CIMAP3: variants seen among roughly 807,000 people sequenced by gnomAD.
CIMAP3 encodes the protein ciliary microtubule associated protein 3.
the CIMAP3 span, among the ~76,000 whole-genome samples, chr1:111,341,988 G>A: frequency 6.6e-6 from 1 of 151,920 alleles, no homozygotes; most frequent in Non-Finnish European, 1.5e-5. Context: ...TCGAGCATGA[G>A]CATGGGGTAG....
chr1:111,351,292 A>G, the CIMAP3 span: 43 of 1,595,932 alleles, frequency 2.7e-5, no homozygotes, highest in Admixed American at 5.5e-5. Flanking sequence ...AAAGCATCGG[A>G]ACCGTGTGGC....
the CIMAP3 span, among the ~76,000 whole-genome samples, chr1:111,329,548 TA>T: frequency 8.9e-6 from 1 of 112,084 alleles, no homozygotes; most frequent in Non-Finnish European, 1.9e-5. Context: ...TATATATATA[TA>T]TATATATATA....
chr1:111,350,688 G>A, the CIMAP3 span, among the ~76,000 whole-genome samples: 4 of 152,202 alleles, frequency 2.6e-5, no homozygotes, highest in Non-Finnish European at 5.9e-5. Flanking sequence ...AATACTAGCT[G>A]CAGTATTTAC....
chr1:111,341,211 G>T, the CIMAP3 span, among the ~76,000 whole-genome samples: 1 of 149,978 alleles, frequency 6.7e-6, no homozygotes, highest in Admixed American at 6.7e-5. Flanking sequence ...CTGTTGTGGG[G>T]TGGGGGGAAG....
the CIMAP3 span, chr1:111,347,894 G>A: frequency 4.1e-5 from 28 of 681,342 alleles, no homozygotes; most frequent in Non-Finnish European, 6.0e-5. Flanking sequence ...AGAAAAGTAG[G>A]CATTTAAGCA....
chr1:111,328,033 T>G, the CIMAP3 span, among the ~76,000 whole-genome samples: 2 of 152,316 alleles, frequency 1.3e-5, no homozygotes, highest in East Asian at 3.9e-4. Flanking sequence ...TCCCAGAGAT[T>G]CTGGTATGTT....
At chr1:111,329,231 A>G in the CIMAP3 span, among the ~76,000 whole-genome samples, 1,208 of 151,970 alleles carry the variant, frequency 7.9e-3, 17 homozygotes, top group African/African-American at 0.027. Flanking sequence ...AGCCTCATGG[A>G]GTACCCTTTG....
At chr1:111,347,637 T>TTTTG in the CIMAP3 span, 11 of 1,188,986 alleles carry the variant, frequency 9.3e-6, no homozygotes, top group South Asian at 1.4e-5. Context: ...TTTTTTTTTT[T>TTTTG]GGTGTTTTTG....
the CIMAP3 span, chr1:111,350,300 G>T: frequency 8.5e-7 from 1 of 1,179,574 alleles, no homozygotes; most frequent in Non-Finnish European, 1.2e-6. Context: ...TCTTAATTAG[G>T]GGTCTGTGAA....
At chr1:111,343,596 T>C in the CIMAP3 span, among the ~76,000 whole-genome samples, 1 of 152,358 alleles carries the variant, frequency 6.6e-6, no homozygotes, top group East Asian at 1.9e-4. Flanking sequence ...AAAACTGGCC[T>C]TTTGGCAATT....
At chr1:111,344,414 T>C in the CIMAP3 span, among the ~76,000 whole-genome samples, 1 of 152,228 alleles carries the variant, frequency 6.6e-6, no homozygotes. Flanking sequence ...TAACCAAAGT[T>C]CTGCTCAAAT....
At chr1:111,333,071 C>T in the CIMAP3 span, among the ~76,000 whole-genome samples, 1 of 152,182 alleles carries the variant, frequency 6.6e-6, no homozygotes. Flanking sequence ...ATAGCCACTC[C>T]ACTGGCCTGG....
chr1:111,338,311 T>G, the CIMAP3 span, among the ~76,000 whole-genome samples: 2 of 151,276 alleles, frequency 1.3e-5, no homozygotes, highest in Admixed American at 6.6e-5. Flanking sequence ...GCAAACACAT[T>G]CAAAAGCTAG....
At chr1:111,352,829 G>C in the CIMAP3 span, 1 of 152,204 alleles carries the variant, frequency 6.6e-6, no homozygotes, top group Non-Finnish European at 1.5e-5. Context: ...GGTGGAGGTG[G>C]GGATAGAACA....
At chr1:111,340,081 A>T in the CIMAP3 span, among the ~76,000 whole-genome samples, 1 of 152,056 alleles carries the variant, frequency 6.6e-6, no homozygotes, top group Non-Finnish European at 1.5e-5. Flanking sequence ...TCTTTGACAA[A>T]CCTGAGAAAA....
At chr1:111,348,754 G>A in the CIMAP3 span, 2 of 1,105,544 alleles carry the variant, frequency 1.8e-6, no homozygotes, top group East Asian at 2.6e-5. Flanking sequence ...AACCATCGCA[G>A]TTAAATAAGG....
chr1:111,339,901 A>C, the CIMAP3 span, among the ~76,000 whole-genome samples: 4 of 151,798 alleles, frequency 2.6e-5, 1 homozygote, highest in African/African-American at 9.7e-5. Flanking sequence ...TCGCCAAGTC[A>C]ATCCTAAGCC....
the CIMAP3 span, among the ~76,000 whole-genome samples, chr1:111,342,755 C>T: frequency 6.6e-6 from 1 of 152,304 alleles, no homozygotes. Flanking sequence ...ACTGGTTGTC[C>T]ATCTCAGTAT....
At chr1:111,349,810 G>A in the CIMAP3 span, 6 of 240,616 alleles carry the variant, frequency 2.5e-5, no homozygotes, top group South Asian at 2.3e-4. Flanking sequence ...ATCACCCACC[G>A]CTTCTAGGAC....
Sources: allele counts gnomAD v4.1 joint callset (sites outside exome capture counted in the v4.1 genomes callset), GRCh38; gene constraint gnomAD v4.1.1; transcripts MANE v1.5; gene names NCBI Gene and HGNC (gene_info 2026-07-23, HGNC 2026-07-21).